Variants in CATSPERE observed in about 807,000 individuals in gnomAD.
CATSPERE encodes catsper channel auxiliary subunit epsilon.
CATSPERE carries 93 observed loss-of-function variants against 114.1 expected under a neutral mutation model. The ratio of observed to expected loss-of-function variants is 0.81; its 90% CI spans 0.69 to 0.97. The LOEUF is 0.97. Ranked by LOEUF, CATSPERE falls within the 50% of genes least tolerant of loss-of-function variation. The pLI, the probability that CATSPERE is intolerant of heterozygous loss-of-function variation, is 0.00. For synonymous variants in CATSPERE, 341 were observed against 384.1 expected, an observed-to-expected ratio of 0.89 and a Z score of 1.31; for missense variants, 1,058 against 1,131.6, an observed-to-expected ratio of 0.93 and a Z score of 0.93.
intron 2 of CATSPERE, among the ~76,000 whole-genome samples, chr1:244,473,416 G>A (rs1218241942): frequency 6.6e-6 from 1 of 152,102 alleles, no homozygotes; most frequent in African/African-American, 2.4e-5. Context: ...TGAGGTGCCT[G>A]TTCAGATCTT....
At chr1:244,591,603 A>T in intron 14 of CATSPERE, 78 bp from the exon 15 acceptor site, 2 of 801,428 alleles carry the variant, frequency 2.5e-6, no homozygotes, top group South Asian at 3.4e-5. Flanking sequence ...TTTGAGAATC[A>T]CTGAGTTAAA....
At chr1:244,540,002 C>A (rs1222146778) in intron 8 of CATSPERE, among the ~76,000 whole-genome samples, 2 of 151,278 alleles carry the variant, frequency 1.3e-5, no homozygotes, top group Admixed American at 1.3e-4. Flanking sequence ...TTAGTTATTT[C>A]TTGCTCAAAA....
intron 5 of CATSPERE, among the ~76,000 whole-genome samples, chr1:244,489,481 T>TG (rs74162768): frequency 2.2e-4 from 22 of 99,264 alleles, no homozygotes; most frequent in African/African-American, 8.3e-4. Flanking sequence ...TTTTTTTTTT[T>TG]GGTGGAAAGA....
chr1:244,557,641 C>T (rs1311937943), intron 9 of CATSPERE, among the ~76,000 whole-genome samples: 5 of 132,964 alleles, frequency 3.8e-5, no homozygotes, highest in African/African-American at 1.4e-4. Context: ...TACTATGTGC[C>T]TAGATGTTAT....
chr1:244,628,067 C>T (rs1673438238), intron 20 of CATSPERE, among the ~76,000 whole-genome samples: 1 of 152,214 alleles, frequency 6.6e-6, no homozygotes. Context: ...CCTTACTTTA[C>T]TTTGTAATGG....
At chr1:244,582,264 G>A (rs916520978) in intron 12 of CATSPERE, among the ~76,000 whole-genome samples, 1 of 152,206 alleles carries the variant, frequency 6.6e-6, no homozygotes. Context: ...CAGTAAGGTA[G>A]CAGCTAGGCT....
intron 20 of CATSPERE, among the ~76,000 whole-genome samples, chr1:244,628,440 C>A (rs1013287863): frequency 2.6e-5 from 4 of 152,130 alleles, no homozygotes; most frequent in Non-Finnish European, 5.9e-5. Flanking sequence ...AATAGGCTAA[C>A]CATATGGTGC....
chr1:244,470,873 A>C (rs1439528546), intron 2 of CATSPERE, among the ~76,000 whole-genome samples: 2 of 152,240 alleles, frequency 1.3e-5, no homozygotes, highest in Non-Finnish European at 2.9e-5. Flanking sequence ...AATATAGAAA[A>C]GCCTTGAAAA....
chr1:244,492,532 C>T (rs1381447347), intron 6 of CATSPERE, among the ~76,000 whole-genome samples: 2 of 148,972 alleles, frequency 1.3e-5, no homozygotes, highest in East Asian at 4.0e-4. Context: ...TGAAAACTGG[C>T]ACAAGACAGG....
At chr1:244,623,116 G>A (rs1464824063) in intron 20 of CATSPERE, among the ~76,000 whole-genome samples, 5 of 133,380 alleles carry the variant, frequency 3.7e-5, no homozygotes, top group African/African-American at 5.4e-5. Context: ...TCTGTTGCCC[G>A]GACTGAAGTG....
intron 8 of CATSPERE, among the ~76,000 whole-genome samples, chr1:244,520,732 T>C (rs1677400980): frequency 6.6e-6 from 1 of 152,190 alleles, no homozygotes; most frequent in Non-Finnish European, 1.5e-5. Context: ...GGAAGGGGGC[T>C]GAATCCAGGG....
At chr1:244,451,853 C>G (rs1446863218), upstream of CATSPERE, 6 of 1,521,346 alleles carry the variant, frequency 3.9e-6, no homozygotes, top group Admixed American at 4.1e-5. The surrounding 1 kb of genome is among the most constrained non-coding windows in gnomAD (Gnocchi z 6.6). Context: ...GAAGGAGAGG[C>G]GGCCGGCGAG....
intron 20 of CATSPERE, among the ~76,000 whole-genome samples, chr1:244,627,234 C>T (rs1673318208): frequency 6.6e-6 from 1 of 152,072 alleles, no homozygotes; most frequent in South Asian, 2.1e-4. Flanking sequence ...GGTCGCAGTT[C>T]ATGGTGCACC....
intron 8 of CATSPERE, among the ~76,000 whole-genome samples, chr1:244,543,636 A>AT (rs1659235985): frequency 1.4e-4 from 1 of 7,312 alleles, no homozygotes; most frequent in Admixed American, 1.9e-3. Context: ...ATTTTATTTT[A>AT]AATATATATA....
intron 20 of CATSPERE, among the ~76,000 whole-genome samples, chr1:244,630,132 G>A (rs1167100960): frequency 1.3e-5 from 2 of 152,178 alleles, no homozygotes; most frequent in Non-Finnish European, 2.9e-5. Flanking sequence ...TTCCCCAGGT[G>A]AAAGCAAACG....
At chr1:244,524,288 T>G (rs1450451524) in intron 8 of CATSPERE, among the ~76,000 whole-genome samples, 4 of 150,170 alleles carry the variant, frequency 2.7e-5, no homozygotes, top group Non-Finnish European at 5.9e-5. Context: ...TAGCCATATG[T>G]AGAAAGCTGA....
At position 244,461,336 on chromosome 1, in the gene CATSPERE, G is replaced by C. The variant is rs760952818; in HGVS notation, c.-94G>C. 3 of 1,133,732 alleles carry C rather than the reference G, an allele frequency of 2.6e-6. No individual in the cohort carries two copies. The highest frequency in any genetic ancestry group is 3.4e-6 in the Non-Finnish European group (3 of 880,918). The allele number at this position is 1,133,732 out of a possible 1,614,324, so 70.2% of individuals were successfully genotyped here. A position where few individuals can be genotyped will look rare whatever the true frequency, so the allele number is the denominator to read the frequency against. On this transcript the variant is annotated 5_prime_UTR_variant, in exon 1 of 22. Coordinates refer to ENST00000366534, the MANE Select transcript of CATSPERE (RefSeq NM_001130957.2). ...TGTCCAGAGGCGCCGGGACCCAGGCGCCTGCAGCCGCCCGCCGGGCCGACG... is the reference window on the plus strand; with the variant it reads ...TGTCCAGAGGCGCCGGGACCCAGGCCCCTGCAGCCGCCCGCCGGGCCGACG...
At chr1:244,577,916 A>G (rs926806023) in intron 11 of CATSPERE, among the ~76,000 whole-genome samples, 2 of 152,232 alleles carry the variant, frequency 1.3e-5, no homozygotes, top group Non-Finnish European at 2.9e-5. Context: ...TAGTTGTTTG[A>G]TATATGATCT....
intron 5 of CATSPERE, among the ~76,000 whole-genome samples, chr1:244,486,968 C>A (rs1671165626): frequency 6.8e-6 from 1 of 147,194 alleles, no homozygotes; most frequent in Non-Finnish European, 1.5e-5. Flanking sequence ...GTGGAGTACT[C>A]GTGGGCCATG....
Sources: allele counts gnomAD v4.1 joint callset (sites outside exome capture counted in the v4.1 genomes callset), GRCh38; gene constraint gnomAD v4.1.1; non-coding constraint Gnocchi (gnomAD v3.1); transcripts MANE v1.5; gene names NCBI Gene and HGNC (gene_info 2026-07-23, HGNC 2026-07-21).